Variants in CD99 observed in about 807,000 individuals in gnomAD.
The protein encoded by CD99 is CD99 antigen.
CD99 carries 19 observed loss-of-function variants against 28.4 expected under a neutral mutation model. The ratio of observed to expected loss-of-function variants is 0.67; its 90% CI spans 0.47 to 0.98. CD99 has a LOEUF of 0.98. Ranked by LOEUF, CD99 falls within the 50% of genes least tolerant of loss-of-function variation. The probability of loss-of-function intolerance (pLI) is 0.00; values close to 1 mark genes in which losing one functional copy is unlikely to be tolerated. For missense variants in CD99, 283 were observed against 248.8 expected (o/e 1.14, Z -0.92); for synonymous variants, 103 against 92.1 (o/e 1.12, Z -0.67).
At chrX:2,735,793 A>G (rs2049900438) in intron 8 of CD99, among the ~76,000 whole-genome samples, 1 of 152,108 alleles carries the variant, frequency 6.6e-6, no homozygotes, top group African/African-American at 2.4e-5. Context: ...TCTTTTTCTT[A>G]AATCAAAGAA....
chrX:2,703,622 G>A (rs1276760541), intron 1 of CD99, among the ~76,000 whole-genome samples: 1 of 144,502 alleles, frequency 6.9e-6, no homozygotes, highest in Non-Finnish European at 1.5e-5. Context: ...GTGTGTGTGT[G>A]TGTGTGTGTG....
chrX:2,740,768 G>C lies in CD99; in HGVS notation c.533-11G>C. The C allele has an allele frequency of 1.2e-6, 2 of 1,613,736 alleles. No individual in the cohort carries two copies. The highest frequency in any genetic ancestry group is 1.7e-6 in the Non-Finnish European group (2 of 1,179,776). On this transcript the variant is annotated splice_polypyrimidine_tract_variant and intron_variant, in intron 9 of 9. Coordinates refer to ENST00000381192, the MANE Select transcript of CD99 (RefSeq NM_002414.5). ...CTGGGAATGACTTTCTTTTGTCTCT[G>C]TCTCCCACAGTTCAGCGTACTCTTT...
At chrX:2,703,596 G>T (rs909024278) in intron 1 of CD99, among the ~76,000 whole-genome samples, 2 of 146,742 alleles carry the variant, frequency 1.4e-5, no homozygotes, top group African/African-American at 2.6e-5. Flanking sequence ...TTAACAAACC[G>T]AGCTGTTAAG....
intron 1 of CD99, among the ~76,000 whole-genome samples, chrX:2,708,682 T>TGGGAGAAG (rs1001055863): frequency 6.6e-6 from 1 of 151,266 alleles, no homozygotes; most frequent in Non-Finnish European, 1.5e-5. Flanking sequence ...GGGCAGAGGG[T>TGGGAGAAG]GGGAGAAGGG....
At position 2,721,025 on chromosome X, in the gene CD99, A is replaced by G. The variant is rs566784096; in HGVS notation, c.262+601A>G. Among the ~76,000 whole-genome samples, 25 of 152,304 alleles carry G rather than the reference A, an allele frequency of 1.6e-4. No individual in the cohort carries two copies. The South Asian group carries it at 1.7e-3, about 10-fold the overall frequency. Reference sequence around the variant, plus strand: ...ACTTGATAAAGAGAAAAGTATTGGCATACACATTCCTTGTGGAGAAGCTAG... The same window carrying G: ...ACTTGATAAAGAGAAAAGTATTGGCGTACACATTCCTTGTGGAGAAGCTAG... On this transcript the variant is annotated intron_variant, in intron 5 of 9. Coordinates refer to ENST00000381192, the MANE Select transcript of CD99 (RefSeq NM_002414.5).
intron 8 of CD99, among the ~76,000 whole-genome samples, chrX:2,736,125 C>G (rs1293016544): frequency 6.6e-6 from 1 of 151,484 alleles, no homozygotes. Flanking sequence ...TGGCGTGAAC[C>G]CTGGAGGCGG....
In CD99 at chrX:2,723,547, G is replaced by C. The variant is rs1015465063; in HGVS notation, c.361+183G>C. 108 of 684,274 alleles carry C rather than the reference G, an allele frequency of 1.6e-4. 1 individual carries two copies. Among genetic ancestry groups the C allele is most frequent in the Admixed American group, 3.6e-4 (14 of 39,038 alleles). 42.4% of individuals were successfully genotyped at this position (684,274 alleles called of 1,614,324 possible). A position where few individuals can be genotyped will look rare whatever the true frequency, so the allele number is the denominator to read the frequency against. On this transcript the variant is annotated intron_variant, in intron 7 of 9. Coordinates refer to ENST00000381192, the MANE Select transcript of CD99 (RefSeq NM_002414.5). ...GCTGCAGAGGTCCCCCAGCAAACCAGCCCTGCTCCGGGTGCCCACGTGACG... is the reference window on the plus strand; with the variant it reads ...GCTGCAGAGGTCCCCCAGCAAACCACCCCTGCTCCGGGTGCCCACGTGACG...
chrX:2,709,203 A>ATATG (rs1556309636), intron 1 of CD99, among the ~76,000 whole-genome samples: 2 of 149,284 alleles, frequency 1.3e-5, no homozygotes, highest in Admixed American at 6.7e-5. Flanking sequence ...ACAGGCACAT[A>ATATG]CATGCATGCA....
rs763749466 is a variant in CD99 at position 2,717,588 on chromosome X, A to G, written c.101-17A>G. 8.1e-6 allele frequency: 13 copies of G among 1,609,564 alleles called. No individual in the cohort carries two copies. The Admixed American group carries it at 1.7e-4, about 21-fold the overall frequency. On this transcript the variant is annotated splice_polypyrimidine_tract_variant and intron_variant, in intron 2 of 9. Coordinates refer to ENST00000381192, the MANE Select transcript of CD99 (RefSeq NM_002414.5). ...CCAGCTGCAACTTTTACTAACTGAA[A>G]TATCTTATCTCTTTAGACAATGAAA...
intron 1 of CD99, among the ~76,000 whole-genome samples, chrX:2,706,227 G>A (rs2048108970): frequency 6.6e-6 from 1 of 152,092 alleles, no homozygotes; most frequent in Non-Finnish European, 1.5e-5. Context: ...GGGCGTGGTG[G>A]TGGGCACCTG....
chrX:2,720,492 AGAG>A, intron 5 of CD99, 68 bp downstream of exon 5: 1 of 1,471,414 alleles, frequency 6.8e-7, no homozygotes, highest in East Asian at 2.3e-5. Flanking sequence ...ATGTCAGCTG[AGAG>A]GAGGTGATTT....
chrX:2,724,864 C>T (rs1282711358), intron 7 of CD99, among the ~76,000 whole-genome samples: 1 of 150,550 alleles, frequency 6.6e-6, no homozygotes, highest in Non-Finnish European at 1.5e-5. Flanking sequence ...TGCCACTGCA[C>T]TCCAGCCTGG....
intron 9 of CD99, 95 bp downstream of exon 9, chrX:2,738,351 T>A: frequency 8.2e-7 from 1 of 1,221,766 alleles, no homozygotes; most frequent in Non-Finnish European, 1.2e-6. Context: ...GCTCACATTC[T>A]CAAATTTGGT....
intron 1 of CD99, among the ~76,000 whole-genome samples, chrX:2,694,249 C>T (rs1356640238): frequency 1.3e-5 from 2 of 151,874 alleles, no homozygotes; most frequent in Non-Finnish European, 1.5e-5. Flanking sequence ...AGGATTCCCT[C>T]GCCCCAGTAG....
chrX:2,717,440 G>GAGTC (rs2048782022), intron 2 of CD99, 165 bp from the exon 3 acceptor site: 1 of 626,600 alleles, frequency 1.6e-6, no homozygotes, highest in East Asian at 2.8e-5. Flanking sequence ...CTGGGCTCAA[G>GAGTC]AGTCGTTGTA....
chrX:2,723,996 GAGAA>G (rs2049138825), intron 7 of CD99, among the ~76,000 whole-genome samples: 1 of 138,414 alleles, frequency 7.2e-6, no homozygotes, highest in South Asian at 2.1e-4. Flanking sequence ...GAGGGATGGA[GAGAA>G]GGAAGGAAGG....
intron 8 of CD99, chrX:2,727,237 C>T: frequency 1.3e-6 from 1 of 761,764 alleles, no homozygotes; most frequent in South Asian, 1.4e-5. Flanking sequence ...TGGATCGGGA[C>T]TAAAATTTAC....
intron 3 of CD99, among the ~76,000 whole-genome samples, chrX:2,718,844 A>C (rs1273428217): frequency 6.6e-6 from 1 of 152,158 alleles, no homozygotes; most frequent in East Asian, 1.9e-4. Flanking sequence ...CTAATATAAA[A>C]CATTAATAGC....
chrX:2,728,196 G>GTTTCTT (rs1569446565), intron 8 of CD99, among the ~76,000 whole-genome samples: 7 of 128,392 alleles, frequency 5.5e-5, no homozygotes, highest in Non-Finnish European at 8.2e-5. Flanking sequence ...GTGTTTGGTT[G>GTTTCTT]TTTCTTTTTT....
Sources: gnomAD v4.1 joint callset for allele counts (sites outside exome capture counted in the v4.1 genomes callset) on GRCh38, gnomAD v4.1.1 for gene constraint, MANE v1.5 for transcripts, NCBI Gene and HGNC (gene_info 2026-07-23, HGNC 2026-07-21) for gene names.